Variants in FAM53B observed in about 807,000 individuals in gnomAD.
FAM53B encodes protein FAM53B.
Under a neutral mutation model 32.7 loss-of-function variants are expected in FAM53B, and 12 were observed. That is an observed-to-expected ratio of 0.37 (90% CI 0.24 to 0.59). The LOEUF is 0.59. Ranked by LOEUF, FAM53B falls within the 20% of genes least tolerant of loss-of-function variation. FAM53B has a pLI of 0.72. For missense variants in FAM53B, 477 were observed against 577.7 expected, an observed-to-expected ratio of 0.83 and a Z score of 1.79; for synonymous variants, 234 against 228.7, an observed-to-expected ratio of 1.02 and a Z score of -0.21.
rs113500806 is a variant in FAM53B at position 124,681,996 on chromosome 10, G to A, written c.517C>T (p.Arg173Trp). 72 of 1,614,002 alleles carry A rather than the reference G, an allele frequency of 4.5e-5. No individual in the cohort carries two copies. The highest frequency in any genetic ancestry group is 3.2e-5 in the Non-Finnish European group (38 of 1,179,976). ...CAGGGTGAGGAGAGCACGTTGGCCCGGGAAGGGAGGCTGAAGCTGGAACTC... is the reference window on the plus strand; with the variant it reads ...CAGGGTGAGGAGAGCACGTTGGCCCAGGAAGGGAGGCTGAAGCTGGAACTC... ...QRSSSFSLPS[R>W]ANVLSSPCDQ... Residue 173 changes from arginine to tryptophan, a missense_variant, in exon 4 of 5, where the codon CGG (arginine) becomes TGG (tryptophan). Around this residue, in one of 2 missense-constraint regions of FAM53B, gnomAD observed 312 missense variants for 420.2 expected, o/e 0.74. Coordinates refer to ENST00000337318, the MANE Select transcript of FAM53B (RefSeq NM_014661.4).
At chr10:124,626,864 A>C (rs1278491879) in intron 4 of FAM53B, among the ~76,000 whole-genome samples, 1 of 151,968 alleles carries the variant, frequency 6.6e-6, no homozygotes, top group East Asian at 1.9e-4. Flanking sequence ...CAACTCTTCC[A>C]CCTCTGGGCT....
chr10:124,650,487 G>A (rs750073481), intron 4 of FAM53B, among the ~76,000 whole-genome samples: 16 of 151,588 alleles, frequency 1.1e-4, no homozygotes, highest in African/African-American at 3.9e-4. Context: ...CACGCACAGT[G>A]TGGCCAGATG....
intron 1 of FAM53B, among the ~76,000 whole-genome samples, chr10:124,721,712 G>T (rs980422281): frequency 6.6e-6 from 1 of 152,218 alleles, no homozygotes; most frequent in Non-Finnish European, 1.5e-5. Context: ...AGAGATGAGC[G>T]TAAAACATAA....
At chr10:124,661,156 A>G (rs907232004) in intron 4 of FAM53B, among the ~76,000 whole-genome samples, 1 of 151,844 alleles carries the variant, frequency 6.6e-6, no homozygotes, top group Non-Finnish European at 1.5e-5. Flanking sequence ...CCACTCCTGG[A>G]AGACATGGCC....
chr10:124,700,088 G>A (rs910839139), intron 2 of FAM53B, among the ~76,000 whole-genome samples: 4 of 152,242 alleles, frequency 2.6e-5, no homozygotes, highest in Admixed American at 2.0e-4. Flanking sequence ...GGCTAAGCCA[G>A]TGGCGGCCAG....
At chr10:124,690,572 G>A (rs1222191074) in intron 3 of FAM53B, among the ~76,000 whole-genome samples, 1 of 152,240 alleles carries the variant, frequency 6.6e-6, no homozygotes, top group Non-Finnish European at 1.5e-5. Flanking sequence ...GCCCTGGGAA[G>A]CTCTGTCTTC....
chr10:124,704,953 A>G (rs972235388), intron 2 of FAM53B, among the ~76,000 whole-genome samples: 1 of 152,224 alleles, frequency 6.6e-6, no homozygotes, highest in African/African-American at 2.4e-5. Flanking sequence ...TGTGAACTGG[A>G]AAGGATGGGG....
At chr10:124,672,494 G>A (rs1335918353) in intron 4 of FAM53B, among the ~76,000 whole-genome samples, 1 of 152,246 alleles carries the variant, frequency 6.6e-6, no homozygotes, top group Admixed American at 6.5e-5. Flanking sequence ...GCTTCATTAG[G>A]AGAATCGAGG....
chr10:124,707,022 A>G (rs974280839), intron 1 of FAM53B, 135 bp from the exon 2 acceptor site: 40 of 736,486 alleles, frequency 5.4e-5, no homozygotes, highest in African/African-American at 3.6e-5. Context: ...ACTCTGGGAG[A>G]GTCACCAAGG....
In FAM53B at chr10:124,623,483, G is replaced by C. The variant is rs754381355; in HGVS notation, c.1028C>G (p.Ser343Cys). ...TRAWTALLSASGPGGRTPAGT... is the reference protein window; with the variant it reads ...TRAWTALLSACGPGGRTPAGT... Reference sequence around the variant, plus strand: ...AGCGGGGGTCCTGCCCCCTGGGCCGGAGGCTGAGAGCAGGGCGGTCCAGGC... The same window carrying C: ...AGCGGGGGTCCTGCCCCCTGGGCCGCAGGCTGAGAGCAGGGCGGTCCAGGC... The change falls in exon 5 of 5, where the codon TCC becomes TGC. Residue 343 changes from serine to cysteine, a missense_variant. Coordinates refer to ENST00000337318, the MANE Select transcript of FAM53B (RefSeq NM_014661.4). 1.9e-6 allele frequency: 3 copies of C among 1,587,302 alleles called. No homozygotes were observed. Among genetic ancestry groups the C allele is most frequent in the Non-Finnish European group, 2.6e-6 (3 of 1,167,824 alleles).
chr10:124,740,577 C>T (rs1950194138), intron 1 of FAM53B, among the ~76,000 whole-genome samples: 1 of 152,126 alleles, frequency 6.6e-6, no homozygotes, highest in South Asian at 2.1e-4. Context: ...ATTACAGTGC[C>T]GTCCCCAACC....
At chr10:124,647,173 T>TG (rs960451222) in intron 4 of FAM53B, among the ~76,000 whole-genome samples, 1 of 152,158 alleles carries the variant, frequency 6.6e-6, no homozygotes, top group African/African-American at 2.4e-5. Flanking sequence ...GCCAAGCACG[T>TG]GGGGAAAATA....
At chr10:124,694,265 G>A (rs1033590096) in intron 3 of FAM53B, among the ~76,000 whole-genome samples, 1 of 152,340 alleles carries the variant, frequency 6.6e-6, no homozygotes, top group Non-Finnish European at 1.5e-5. Context: ...CTGTAAACAG[G>A]AGTCTGCAGA....
At chr10:124,700,457 G>C (rs1487326154) in intron 2 of FAM53B, among the ~76,000 whole-genome samples, 9 of 152,156 alleles carry the variant, frequency 5.9e-5, no homozygotes, top group Non-Finnish European at 1.2e-4. Flanking sequence ...CCTAGCTGAG[G>C]TCTGCAGTGA....
chr10:124,708,189 T>C (rs955934758), intron 1 of FAM53B, among the ~76,000 whole-genome samples: 2 of 152,246 alleles, frequency 1.3e-5, no homozygotes, highest in Admixed American at 6.5e-5. Context: ...CAGGAAAATG[T>C]TTTAGAATCT....
In FAM53B at chr10:124,681,988, G is replaced by A. The variant is rs139649397; in HGVS notation, c.525C>T (p.Asn175=). 3.1e-6 allele frequency: 5 copies of A among 1,613,970 alleles called. No individual in the cohort carries two copies. Among genetic ancestry groups the A allele is most frequent in the Non-Finnish European group, 4.2e-6 (5 of 1,180,038 alleles). The change falls in exon 4 of 5, where the codon AAC becomes AAT. Residue 175 remains asparagine (N), a synonymous_variant. Coordinates refer to ENST00000337318, the MANE Select transcript of FAM53B (RefSeq NM_014661.4). ...SSSFSLPSRA[N]VLSSPCDQAG... The stretch of plus-strand genomic sequence containing the variant: ...CCTGGTCGCAGGGTGAGGAGAGCAC[G>A]TTGGCCCGGGAAGGGAGGCTGAAGC...
chr10:124,708,130 A>T (rs1407046898), intron 1 of FAM53B: 1 of 152,274 alleles, frequency 6.6e-6, no homozygotes, highest in Non-Finnish European at 1.5e-5. Flanking sequence ...TAACAGTATT[A>T]AATAGAAAAG....
intron 4 of FAM53B, among the ~76,000 whole-genome samples, chr10:124,680,820 G>C (rs1171339545): frequency 2.0e-5 from 3 of 152,134 alleles, no homozygotes; most frequent in Non-Finnish European, 4.4e-5. Context: ...CATCACATCC[G>C]CCCATCCTTG....
intron 4 of FAM53B, chr10:124,671,160 C>A (rs1435743214): frequency 2.2e-6 from 1 of 454,144 alleles, no homozygotes; most frequent in Admixed American, 2.3e-5. Context: ...GCGTGACCTG[C>A]AGGAGCAATC....
Sources: gnomAD v4.1 joint callset for allele counts (sites outside exome capture counted in the v4.1 genomes callset) on GRCh38, gnomAD v4.1.1 for gene constraint, gnomAD v4.1.1 regional missense constraint, MANE v1.5 for transcripts, NCBI Gene and HGNC (gene_info 2026-07-23, HGNC 2026-07-21) for gene names.